Variants in FNTB observed in about 807,000 individuals in gnomAD.
FNTB encodes farnesyltransferase, CAAX box, subunit beta.
Under a neutral mutation model 59.4 loss-of-function variants are expected in FNTB, and 27 were observed. The observed-to-expected ratio is 0.45, with a 90% CI of 0.34 to 0.63. The LOEUF (loss-of-function observed/expected upper bound fraction) is 0.63. FNTB is among the 20% of genes least tolerant of loss of function. The pLI, the probability that FNTB is intolerant of heterozygous loss-of-function variation, is 0.02. For missense variants in FNTB, 449 were observed against 559.6 expected (o/e 0.80, Z 1.99); for synonymous variants, 230 against 220.7 (o/e 1.04, Z -0.37).
intron 9 of FNTB, 101 bp from the exon 10 acceptor site, chr14:65,053,137 G>A: frequency 1.1e-6 from 1 of 875,332 alleles, no homozygotes; most frequent in Non-Finnish European, 1.5e-6. Context: ...AGGAAGGGGA[G>A]CAGGAAACCT....
intron 7 of FNTB, among the ~76,000 whole-genome samples, chr14:65,036,327 C>T (rs1368404448): frequency 1.4e-4 from 21 of 152,028 alleles, no homozygotes; most frequent in Non-Finnish European, 4.4e-5. Flanking sequence ...GCCTTGACCT[C>T]CTGGGTTCAA....
At chr14:65,058,093 T>G (rs1002585955) in intron 11 of FNTB, among the ~76,000 whole-genome samples, 3 of 150,420 alleles carry the variant, frequency 2.0e-5, no homozygotes, top group African/African-American at 7.6e-5. Flanking sequence ...CATTTTAGAT[T>G]AATAGGAGAG....
At chr14:65,006,093 T>C in intron 2 of FNTB, 1 of 1,559,056 alleles carries the variant, frequency 6.4e-7, no homozygotes, top group South Asian at 1.2e-5. Context: ...CAAGTCAGTC[T>C]CTAGGTACTT....
chr14:64,998,634 CTTTA>C (rs1888492302), intron 1 of FNTB, among the ~76,000 whole-genome samples: 1 of 152,184 alleles, frequency 6.6e-6, no homozygotes, highest in African/African-American at 2.4e-5. Flanking sequence ...CTGTCCCTGG[CTTTA>C]TTTGTCAGGA....
intron 1 of FNTB, among the ~76,000 whole-genome samples, chr14:64,998,639 T>C (rs1431086809): frequency 6.6e-6 from 1 of 152,206 alleles, no homozygotes; most frequent in African/African-American, 2.4e-5. Context: ...CCTGGCTTTA[T>C]TTGTCAGGAT....
chr14:65,029,453 T>TA lies in FNTB; in HGVS notation c.605+1673dup, dbSNP rs947480429. 3.9e-5 allele frequency among the ~76,000 whole-genome samples: 6 copies of TA among 152,218 alleles called. No individual in the cohort carries two copies. Among genetic ancestry groups the TA allele is most frequent in the African/African-American group, 1.2e-4 (5 of 41,458 alleles). ...TCTCTGGATGATCTTTCTGCTCTGTTACACTGCTGATAGTTTCAGAGATGA... is the reference window on the plus strand; with the variant it reads ...TCTCTGGATGATCTTTCTGCTCTGTTAACACTGCTGATAGTTTCAGAGATGA... On this transcript the variant is annotated intron_variant, in intron 6 of 11. Transcript: ENST00000246166. This position sits in a 1 kb window ranked among gnomAD's most constrained non-coding sequence, Gnocchi z 4.7.
chr14:65,059,886 T>G (rs2062822983), intron 11 of FNTB, among the ~76,000 whole-genome samples: 1 of 147,602 alleles, frequency 6.8e-6, no homozygotes, highest in Admixed American at 6.9e-5. Context: ...CAGGTTAGAG[T>G]GCAGTGGCAC....
At position 65,054,348 on chromosome 14, in the gene FNTB, C is replaced by T. The variant is rs572701377; in HGVS notation, c.1068-227C>T. Among the ~76,000 whole-genome samples, 2 of 151,912 alleles carry T rather than the reference C, an allele frequency of 1.3e-5. No homozygotes were observed. Among genetic ancestry groups the T allele is most frequent in the African/African-American group, 4.8e-5 (2 of 41,470 alleles). ...TTGGTTTTGAACTCCTGGCCTCAAA[C>T]CGTTCTCTTGCCTCAGCCTCCTGCT... On this transcript the variant is annotated intron_variant, in intron 10 of 11. Coordinates refer to ENST00000246166, the MANE Select transcript of FNTB (RefSeq NM_002028.4). The surrounding 1 kb of genome is among the most constrained non-coding windows in gnomAD (Gnocchi z 4.4).
chr14:65,006,518 C>G (rs1486205203), intron 2 of FNTB, among the ~76,000 whole-genome samples: 1 of 152,188 alleles, frequency 6.6e-6, no homozygotes, highest in East Asian at 1.9e-4. Flanking sequence ...TAGGCACAAG[C>G]TGGTTCAAGC....
Position 65,032,017 on chromosome 14 carries a change from T to TGTGTAC in FNTB, c.606-591_606-590insGTACGT. Among the ~76,000 whole-genome samples, 1 of 149,822 alleles carries TGTGTAC rather than the reference T, an allele frequency of 6.7e-6. No individual in the cohort carries two copies. ...GTGTGTGTGTGTGTGTGTGTGTGTG[T>TGTGTAC]GTACTGGTGAGAGGTTTGAAATCAA... On this transcript the variant is annotated intron_variant, in intron 6 of 11. Coordinates refer to ENST00000246166, the MANE Select transcript of FNTB (RefSeq NM_002028.4). This position sits in a 1 kb window ranked among gnomAD's most constrained non-coding sequence, Gnocchi z 5.0.
In FNTB at chr14:64,990,492, C is replaced by G. The variant is rs1413667848; in HGVS notation, c.144+3395C>G. Among the ~76,000 whole-genome samples, 1 of 152,184 alleles carries G rather than the reference C, an allele frequency of 6.6e-6. No homozygotes were observed. The highest frequency in any genetic ancestry group is 1.5e-5 in the Non-Finnish European group (1 of 68,036). ...CTCTGCGGAGCTCTTTGTCTCCCTC[C>G]CTCTCCATCCTTCACACCTTCAGGT... On this transcript the variant is annotated intron_variant, in intron 1 of 11. Transcript: ENST00000246166. This position sits in a 1 kb window ranked among gnomAD's most constrained non-coding sequence, Gnocchi z 5.2.
At chr14:64,995,205 A>G (rs1397967753) in intron 1 of FNTB, among the ~76,000 whole-genome samples, 1 of 152,180 alleles carries the variant, frequency 6.6e-6, no homozygotes, top group Non-Finnish European at 1.5e-5. Context: ...GGGGACAGTG[A>G]TAGGCATGGA....
intron 1 of FNTB, among the ~76,000 whole-genome samples, chr14:65,000,838 A>AG (rs1555389703): frequency 0.016 from 1,875 of 116,060 alleles, 210 homozygotes; most frequent in Non-Finnish European, 0.026. Flanking sequence ...AAAAAAAAAA[A>AG]AAAGAATAGT....
At chr14:65,015,522 T>C in intron 3 of FNTB, 103 bp from the exon 4 acceptor site, 1 of 991,972 alleles carries the variant, frequency 1.0e-6, no homozygotes, top group Non-Finnish European at 1.4e-6. Context: ...GGTGCCCTCC[T>C]CCCCCTTGCC....
intron 1 of FNTB, among the ~76,000 whole-genome samples, chr14:64,988,832 G>C (rs904954396): frequency 6.6e-6 from 1 of 152,140 alleles, no homozygotes; most frequent in Non-Finnish European, 1.5e-5. Context: ...TAGAGTCTAG[G>C]ATGAACAGTT....
chr14:65,022,474 A>T (rs772529597), intron 4 of FNTB, among the ~76,000 whole-genome samples: 1 of 152,036 alleles, frequency 6.6e-6, no homozygotes, highest in African/African-American at 2.4e-5. Context: ...TCCTTTGTAT[A>T]TTTGAGGTAT....
At chr14:65,021,597 A>G (rs1453995972) in intron 4 of FNTB, among the ~76,000 whole-genome samples, 1 of 152,170 alleles carries the variant, frequency 6.6e-6, no homozygotes, top group Non-Finnish European at 1.5e-5. Flanking sequence ...CCTGCACCAA[A>G]GAATTACTGA....
Position 65,011,734 on chromosome 14 carries a change from C to G in FNTB, c.210-583C>G, listed in dbSNP as rs1017132143. Among the ~76,000 whole-genome samples, 1 of 152,190 alleles carries G rather than the reference C, an allele frequency of 6.6e-6. No homozygotes were observed. Among genetic ancestry groups the G allele is most frequent in the Non-Finnish European group, 1.5e-5 (1 of 68,030 alleles). ...AAAGCCAGTATTGCTGACTTGAAAG[C>G]CAAGGACAGCGACTGGCTGCAGAAC... is the stretch of plus-strand genomic sequence containing the variant. On this transcript the variant is annotated intron_variant, in intron 2 of 11. Coordinates refer to ENST00000246166, the MANE Select transcript of FNTB (RefSeq NM_002028.4). This position sits in a 1 kb window ranked among gnomAD's most constrained non-coding sequence, Gnocchi z 4.0.
Position 65,032,013 on chromosome 14 carries a change from T to TGTGTAC in FNTB, c.606-593_606-592insACGTGT, listed in dbSNP as rs1555335250. 6.6e-6 allele frequency among the ~76,000 whole-genome samples: 1 copy of TGTGTAC among 151,692 alleles called. No individual in the cohort carries two copies. The highest frequency in any genetic ancestry group is 2.4e-5 in the African/African-American group (1 of 41,330). On this transcript the variant is annotated intron_variant, in intron 6 of 11. Coordinates refer to ENST00000246166, the MANE Select transcript of FNTB (RefSeq NM_002028.4). The surrounding 1 kb of genome is among the most constrained non-coding windows in gnomAD (Gnocchi z 5.0). ...GTGTGTGTGTGTGTGTGTGTGTGTG[T>TGTGTAC]GTGTGTACTGGTGAGAGGTTTGAAA...
Sources: allele counts gnomAD v4.1 joint callset (sites outside exome capture counted in the v4.1 genomes callset), GRCh38; gene constraint gnomAD v4.1.1; non-coding constraint Gnocchi (gnomAD v3.1); transcripts MANE v1.5; gene names NCBI Gene and HGNC (gene_info 2026-07-23, HGNC 2026-07-21).